The following CDS1 variants were observed in gnomAD, a reference collection of about 807,000 sequenced individuals.
CDS1 encodes phosphatidate cytidylyltransferase 1.
In CDS1, 41 loss-of-function variants were observed where a neutral mutation model predicts 62.1. The observed-to-expected ratio is 0.66, with a 90% CI of 0.51 to 0.86. CDS1 has a LOEUF of 0.86. CDS1 is among the 40% of genes least tolerant of loss of function. CDS1 has a pLI of 0.00. For missense variants in CDS1, 470 were observed against 550.1 expected (o/e 0.85, Z 1.46); for synonymous variants, 185 against 192.6 (o/e 0.96, Z 0.32).
intron 8 of CDS1, among the ~76,000 whole-genome samples, chr4:84,636,074 C>T (rs562224920): frequency 1.9e-4 from 29 of 151,994 alleles, no homozygotes; most frequent in Non-Finnish European, 4.1e-4. Flanking sequence ...TTTTTTCTCT[C>T]GGCCATTGGT....
At chr4:84,624,686 A>T (rs1207826274) in intron 5 of CDS1, among the ~76,000 whole-genome samples, 1 of 152,096 alleles carries the variant, frequency 6.6e-6, no homozygotes, top group Non-Finnish European at 1.5e-5. Flanking sequence ...GTTTTGCTAT[A>T]ATTTATGCTT....
At chr4:84,632,852 G>A (rs747999407) in intron 6 of CDS1, among the ~76,000 whole-genome samples, 4 of 152,346 alleles carry the variant, frequency 2.6e-5, no homozygotes, top group Non-Finnish European at 4.4e-5. Context: ...GCCAAGCGCC[G>A]ATGGCTCATG....
At chr4:84,609,631 C>T in intron 3 of CDS1, 106 bp downstream of exon 3, 1 of 692,248 alleles carries the variant, frequency 1.4e-6, no homozygotes, top group South Asian at 1.8e-5. Context: ...ATTCAACACT[C>T]AGTCACAGAA....
At chr4:84,637,403 T>C (rs1724246766) in intron 8 of CDS1, among the ~76,000 whole-genome samples, 1 of 152,062 alleles carries the variant, frequency 6.6e-6, no homozygotes, top group Admixed American at 6.6e-5. Context: ...CTTATGATCT[T>C]GGCGGAAGGG....
intron 1 of CDS1, among the ~76,000 whole-genome samples, chr4:84,599,401 CACACATATATATATATATATATATAT>C (rs1722853775): frequency 4.2e-5 from 1 of 23,956 alleles, no homozygotes; most frequent in South Asian, 1.5e-3. Context: ...TTGACACACA[CACACATATATATATATATATATATAT>C]ATATATATAT....
intron 1 of CDS1, among the ~76,000 whole-genome samples, chr4:84,589,630 A>T (rs946619594): frequency 6.6e-6 from 1 of 152,208 alleles, no homozygotes; most frequent in African/African-American, 2.4e-5. Flanking sequence ...TCATTTAATA[A>T]CATTTTTTTA....
chr4:84,605,838 A>G lies in CDS1; in HGVS notation c.245+1468A>G, dbSNP rs534594728. Among the ~76,000 whole-genome samples, 49 of 152,294 alleles carry G rather than the reference A, an allele frequency of 3.2e-4. No homozygotes were observed. The South Asian group carries it at 6.4e-3, about 20-fold the overall frequency. On this transcript the variant is annotated intron_variant, in intron 2 of 12. Coordinates refer to ENST00000295887, the MANE Select transcript of CDS1 (RefSeq NM_001263.4). ...TTCAGGCACTTTATATGTATTGACT[A>G]ATATTCTCATGGCAGCCTTGTAACA...
intron 11 of CDS1, among the ~76,000 whole-genome samples, chr4:84,643,668 C>G (rs1231791159): frequency 6.6e-6 from 1 of 152,170 alleles, no homozygotes; most frequent in Non-Finnish European, 1.5e-5. Context: ...CCCCCGTGGA[C>G]AATATGTCAA....
At chr4:84,635,039 G>A (rs541377868) in intron 7 of CDS1, among the ~76,000 whole-genome samples, 2 of 50,526 alleles carry the variant, frequency 4.0e-5, no homozygotes, top group African/African-American at 3.5e-4. Flanking sequence ...TTCCTAGCAT[G>A]CTAGTTTATT....
chr4:84,642,055 C>G (rs957285910), intron 10 of CDS1, among the ~76,000 whole-genome samples: 1 of 152,196 alleles, frequency 6.6e-6, no homozygotes, highest in Non-Finnish European at 1.5e-5. Context: ...CAGCCGGGCA[C>G]ATTGGCTTAT....
At chr4:84,586,352 T>C (rs1216094995) in intron 1 of CDS1, among the ~76,000 whole-genome samples, 1 of 152,200 alleles carries the variant, frequency 6.6e-6, no homozygotes, top group Non-Finnish European at 1.5e-5. Context: ...ATAAAATCCA[T>C]GGGAGCCCTG....
intron 3 of CDS1, among the ~76,000 whole-genome samples, chr4:84,613,425 A>G (rs1560472441): frequency 6.6e-6 from 1 of 152,190 alleles, no homozygotes; most frequent in Non-Finnish European, 1.5e-5. Flanking sequence ...CCTGGCCAAC[A>G]TGGTGAAACC....
chr4:84,650,421 C>T lies in CDS1; in HGVS notation c.*1735C>T, dbSNP rs1724697695. Reference sequence around the variant, plus strand: ...GGCCACCTACAAGTTTAATTTTCAACATCTCATGTTTTTATTTGTCCCATT... The same window carrying T: ...GGCCACCTACAAGTTTAATTTTCAATATCTCATGTTTTTATTTGTCCCATT... On this transcript the variant is annotated 3_prime_UTR_variant, in exon 13 of 13. Coordinates refer to ENST00000295887, the MANE Select transcript of CDS1 (RefSeq NM_001263.4). The T allele has an allele frequency of 6.6e-6, 1 of 152,160 alleles. No homozygotes were observed. The highest frequency in any genetic ancestry group is 1.5e-5 in the Non-Finnish European group (1 of 68,030). 9.4% of individuals were successfully genotyped at this position (152,160 alleles called of 1,614,324 possible).
chr4:84,605,017 C>A (rs1723050282), intron 2 of CDS1, among the ~76,000 whole-genome samples: 1 of 152,130 alleles, frequency 6.6e-6, no homozygotes, highest in South Asian at 2.1e-4. Context: ...TGTGTGATGA[C>A]CACAAAATTT....
In CDS1 at chr4:84,583,150, C is replaced by T. The variant is rs1034811731; in HGVS notation, c.-252C>T. 39 of 430,836 alleles carry T rather than the reference C, an allele frequency of 9.1e-5. No homozygotes were observed. Among genetic ancestry groups the T allele is most frequent in the Non-Finnish European group, 1.1e-4 (27 of 242,310 alleles). The allele number at this position is 430,836 out of a possible 1,614,324, so 26.7% of individuals were successfully genotyped here. A position where few individuals can be genotyped will look rare whatever the true frequency, so the allele number is the denominator to read the frequency against. Reference sequence around the variant, plus strand: ...CCGCCTTCTCTGCTCGCGCCTGGCGCCCGGAGCCTGCCCGGGACCTCCGCC... The same window carrying T: ...CCGCCTTCTCTGCTCGCGCCTGGCGTCCGGAGCCTGCCCGGGACCTCCGCC... On this transcript the variant is annotated 5_prime_UTR_variant, in exon 1 of 13. Transcript: ENST00000295887.
At chr4:84,626,445 C>G (rs1723864307) in intron 5 of CDS1, among the ~76,000 whole-genome samples, 1 of 152,148 alleles carries the variant, frequency 6.6e-6, no homozygotes, top group Non-Finnish European at 1.5e-5. Context: ...TACAGTCACA[C>G]AAATGTACTT....
Position 84,648,596 on chromosome 4 carries a change from G to C in CDS1, c.1296G>C (p.Val432=), listed in dbSNP as rs1253350056. Residue 432 remains valine (V), a synonymous_variant, in exon 13 of 13, where the codon GTG becomes GTC. Transcript: ENST00000295887. ...GCAAAGTGCTACAGCAGTTGTTGGTGCTTCAACCTGAACAGCAGTTAAATA... is the reference window on the plus strand; with the variant it reads ...GCAAAGTGCTACAGCAGTTGTTGGTCCTTCAACCTGAACAGCAGTTAAATA... The part of the protein sequence containing the change: ...NPSKVLQQLL[V]LQPEQQLNIY... 2 of 1,613,886 alleles carry C rather than the reference G, an allele frequency of 1.2e-6. No individual in the cohort carries two copies. Among genetic ancestry groups the C allele is most frequent in the East Asian group, 4.5e-5 (2 of 44,864 alleles).
chr4:84,610,834 G>T (rs1161012634), intron 3 of CDS1, among the ~76,000 whole-genome samples: 1 of 152,116 alleles, frequency 6.6e-6, no homozygotes, highest in Non-Finnish European at 1.5e-5. Flanking sequence ...TAGACTAGAT[G>T]TATAAGAGGC....
At chr4:84,636,929 T>TC (rs1316406957) in intron 8 of CDS1, among the ~76,000 whole-genome samples, 3 of 152,220 alleles carry the variant, frequency 2.0e-5, no homozygotes, top group Non-Finnish European at 2.9e-5. Flanking sequence ...ACCTGGCTGT[T>TC]TTGATATTGT....
Sources: allele counts gnomAD v4.1 joint callset (sites outside exome capture counted in the v4.1 genomes callset), GRCh38; gene constraint gnomAD v4.1.1; transcripts MANE v1.5; gene names NCBI Gene and HGNC (gene_info 2026-07-23, HGNC 2026-07-21).